The following TMEM220 variants were observed in gnomAD, a reference collection of about 807,000 sequenced individuals.
TMEM220 encodes the protein transmembrane protein 220.
TMEM220 carries 21 observed loss-of-function variants against 21.7 expected under a neutral mutation model. The observed-to-expected ratio is 0.97, with a 90% CI of 0.69 to 1.39. TMEM220 has a LOEUF of 1.39. Among genes scored for constraint, TMEM220 ranks in the 40% most tolerant of loss-of-function variants. The probability of loss-of-function intolerance (pLI) is 0.00; values close to 1 mark genes in which losing one functional copy is unlikely to be tolerated. For missense variants in TMEM220, 191 were observed against 201.9 expected, an observed-to-expected ratio of 0.95 and a Z score of 0.33; for synonymous variants, 80 against 73.6, an observed-to-expected ratio of 1.09 and a Z score of -0.45.
At chr17:10,713,052 C>T (rs1281875382), downstream of TMEM220, among the ~76,000 whole-genome samples, 2 of 152,108 alleles carry the variant, frequency 1.3e-5, no homozygotes, top group Non-Finnish European at 1.5e-5. Flanking sequence ...GGGTGGATCA[C>T]CTTAGGTCAG....
At chr17:10,719,019 T>C (rs2074956078) in intron 5 of TMEM220, among the ~76,000 whole-genome samples, 1 of 152,220 alleles carries the variant, frequency 6.6e-6, no homozygotes, top group Non-Finnish European at 1.5e-5. Flanking sequence ...GATTGTGGCT[T>C]TTTCCATTTT....
chr17:10,716,426 G>C (rs534201030), intron 5 of TMEM220: 2 of 655,060 alleles, frequency 3.1e-6, no homozygotes, highest in Non-Finnish European at 5.8e-6. Flanking sequence ...TTAATTTCCC[G>C]TCCGGTCAGA....
At chr17:10,728,710 C>G (rs2075082450) in intron 2 of TMEM220, among the ~76,000 whole-genome samples, 1 of 152,142 alleles carries the variant, frequency 6.6e-6, no homozygotes, top group African/African-American at 2.4e-5. Context: ...GAGTGTCTGG[C>G]TAGAAACTCA....
chr17:10,718,936 C>T (rs1315731428), intron 5 of TMEM220, among the ~76,000 whole-genome samples: 1 of 152,100 alleles, frequency 6.6e-6, no homozygotes, highest in Non-Finnish European at 1.5e-5. Context: ...TGGTTAAAAT[C>T]TTTTATATTG....
chr17:10,717,841 C>T (rs1052064831), intron 5 of TMEM220, among the ~76,000 whole-genome samples: 3 of 150,322 alleles, frequency 2.0e-5, no homozygotes, highest in Admixed American at 1.3e-4. Flanking sequence ...TTCTTTGAGA[C>T]GGAGTTTCTT....
rs377207239 is a variant in TMEM220 at position 10,715,436 on chromosome 17, G to A, written c.*17C>T. The A allele has an allele frequency of 5.1e-5, 80 of 1,571,114 alleles. No homozygotes were observed. The highest frequency in any genetic ancestry group is 6.5e-5 in the Admixed American group (3 of 46,390). On this transcript the variant is annotated 3_prime_UTR_variant, in exon 6 of 6. Transcript: ENST00000341871. ...GATTGAAAATATTCATTTTAAAAAC[G>A]AAGTTCTTGAATTTATTTAAATTAC...
Position 10,725,183 on chromosome 17 carries a change from G to A in TMEM220, c.164-49C>T, listed in dbSNP as rs1334003753. On this transcript the variant is annotated intron_variant, in intron 3 of 5. Coordinates refer to ENST00000341871, the MANE Select transcript of TMEM220 (RefSeq NM_001004313.3). Reference sequence around the variant, plus strand: ...GTTAACCACGGAATCACAGCCCACAGAAAAAAAAAATGATCTTTTTGTATG... The same window carrying A: ...GTTAACCACGGAATCACAGCCCACAAAAAAAAAAAATGATCTTTTTGTATG... 153 of 1,468,412 alleles carry A rather than the reference G, an allele frequency of 1.0e-4. No homozygotes were observed. The Admixed American group carries it at 1.1e-3, about 11-fold the overall frequency. The allele number at this position is 1,468,412 out of a possible 1,614,324, so 91.0% of individuals were successfully genotyped here. A position where few individuals can be genotyped will look rare whatever the true frequency, so the allele number is the denominator to read the frequency against.
chr17:10,715,275 C>T lies in TMEM220; in HGVS notation c.*178G>A, dbSNP rs1055764774. ...AGAAAGTCGTCTGGAAAATATCAGACCATCTCTTACTTGTCCCATCCAATC... is the reference window on the plus strand; with the variant it reads ...AGAAAGTCGTCTGGAAAATATCAGATCATCTCTTACTTGTCCCATCCAATC... On this transcript the variant is annotated 3_prime_UTR_variant, in exon 6 of 6. Coordinates refer to ENST00000341871, the MANE Select transcript of TMEM220 (RefSeq NM_001004313.3). 1 of 512,242 alleles carries T rather than the reference C, an allele frequency of 2.0e-6. No individual in the cohort carries two copies. The highest frequency in any genetic ancestry group is 2.0e-5 in the African/African-American group (1 of 49,434). 31.7% of individuals were successfully genotyped at this position (512,242 alleles called of 1,614,324 possible). A position where few individuals can be genotyped will look rare whatever the true frequency, so the allele number is the denominator to read the frequency against.
intron 5 of TMEM220, chr17:10,716,113 A>C: frequency 4.7e-6 from 4 of 851,264 alleles, no homozygotes; most frequent in Non-Finnish European, 7.7e-6. Flanking sequence ...GTAAGACTGA[A>C]GACCAAACAC....
At chr17:10,726,365 G>T (rs2075049483) in intron 2 of TMEM220, 101 bp from the exon 3 acceptor site, 5 of 954,292 alleles carry the variant, frequency 5.2e-6, no homozygotes, top group African/African-American at 1.6e-5. Context: ...ATCAGTGGCT[G>T]CTGTGCCCCA....
chr17:10,726,858 A>T (rs1019497847), intron 2 of TMEM220, among the ~76,000 whole-genome samples: 1 of 152,256 alleles, frequency 6.6e-6, no homozygotes, highest in Non-Finnish European at 1.5e-5. Flanking sequence ...AGCCTTGTTC[A>T]TAACAAGCAG....
intron 2 of TMEM220, among the ~76,000 whole-genome samples, chr17:10,728,335 G>A (rs1484605036): frequency 7.4e-6 from 1 of 134,614 alleles, no homozygotes; most frequent in South Asian, 2.2e-4. Context: ...TTGAGATGGA[G>A]TCTCACTCTG....
intron 2 of TMEM220, among the ~76,000 whole-genome samples, chr17:10,727,963 C>G (rs2075066868): frequency 6.6e-6 from 1 of 152,070 alleles, no homozygotes; most frequent in African/African-American, 2.4e-5. Flanking sequence ...GAGTTCAAGA[C>G]CAGCTTGACC....
chr17:10,718,283 T>A (rs2151472537), intron 5 of TMEM220, among the ~76,000 whole-genome samples: 1 of 152,080 alleles, frequency 6.6e-6, no homozygotes, highest in African/African-American at 2.4e-5. Context: ...TTTACAATAG[T>A]TATTATAGTA....
At chr17:10,718,354 T>C (rs1211385585) in intron 5 of TMEM220, among the ~76,000 whole-genome samples, 1 of 152,196 alleles carries the variant, frequency 6.6e-6, no homozygotes, top group African/African-American at 2.4e-5. Context: ...TTTTTTCCTT[T>C]TTGTCTTGTC....
Position 10,713,912 on chromosome 17 carries a change from T to G in TMEM220, c.*1541A>C, listed in dbSNP as rs1659461050. 1 of 152,216 alleles carries G rather than the reference T, an allele frequency of 6.6e-6. No homozygotes were observed. Among genetic ancestry groups the G allele is most frequent in the Non-Finnish European group, 1.5e-5 (1 of 68,040 alleles). The allele number at this position is 152,216 out of a possible 1,614,324, so 9.4% of individuals were successfully genotyped here. A position where few individuals can be genotyped will look rare whatever the true frequency, so the allele number is the denominator to read the frequency against. ...CACTCTCCTAACCTGTGGAAGGCAC[T>G]ACTCGTTCTTTTTGAGTGAAGTATT... On this transcript the variant is annotated 3_prime_UTR_variant, in exon 6 of 6. Coordinates refer to ENST00000341871, the MANE Select transcript of TMEM220 (RefSeq NM_001004313.3).
Position 10,723,262 on chromosome 17 carries a change from ATACT to A in TMEM220, c.347+4_347+7del. Reference sequence around the variant, plus strand: ...CCAAAGTGAAGATGTGATGAGTTGAATACTTACTTTGAGGAACTGTGGCACAGGA... The same window carrying A: ...CCAAAGTGAAGATGTGATGAGTTGAATACTTTGAGGAACTGTGGCACAGGA... On this transcript the variant is annotated splice_donor_5th_base_variant and intron_variant, in intron 5 of 5. Transcript: ENST00000341871. The A allele has an allele frequency of 6.2e-7, 1 of 1,613,634 alleles. No homozygotes were observed. The highest frequency in any genetic ancestry group is 8.5e-7 in the Non-Finnish European group (1 of 1,179,692).
At chr17:10,721,995 CTT>C (rs139767679) in intron 5 of TMEM220, among the ~76,000 whole-genome samples, 143 of 125,934 alleles carry the variant, frequency 1.1e-3, no homozygotes, top group Middle Eastern at 4.0e-3. Flanking sequence ...GTTTTTCTTT[CTT>C]TTTTTTTTTT....
chr17:10,726,490 C>G, intron 2 of TMEM220: 2 of 554,774 alleles, frequency 3.6e-6, no homozygotes, highest in African/African-American at 1.9e-5. Flanking sequence ...TAGGCTATTC[C>G]AGAAGCTCAT....
Sources: allele counts gnomAD v4.1 joint callset (sites outside exome capture counted in the v4.1 genomes callset), GRCh38; gene constraint gnomAD v4.1.1; transcripts MANE v1.5; gene names NCBI Gene and HGNC (gene_info 2026-07-23, HGNC 2026-07-21).